Variants in OPCML observed in about 807,000 individuals in gnomAD.
OPCML encodes opioid-binding protein/cell adhesion molecule.
Under a neutral mutation model 37.8 loss-of-function variants are expected in OPCML, and 13 were observed. The ratio of observed to expected loss-of-function variants is 0.34; its 90% CI spans 0.22 to 0.55. The LOEUF (loss-of-function observed/expected upper bound fraction) is 0.55. Ranked by LOEUF, OPCML falls within the 20% of genes least tolerant of loss-of-function variation. The pLI is 0.91. For missense variants in OPCML, 341 were observed against 435.6 expected (o/e 0.78, Z 1.93); for synonymous variants, 176 against 168.8 (o/e 1.04, Z -0.33).
intron 1 of OPCML, among the ~76,000 whole-genome samples, chr11:133,194,931 G>A (rs960070844): frequency 3.3e-5 from 5 of 152,142 alleles, no homozygotes; most frequent in South Asian, 2.1e-4. Flanking sequence ...GGTGCAGCTC[G>A]GATGTCAACT....
At chr11:133,028,780 C>A (rs1947612306) in intron 1 of OPCML, among the ~76,000 whole-genome samples, 3 of 152,000 alleles carry the variant, frequency 2.0e-5, no homozygotes, top group Admixed American at 6.6e-5. Flanking sequence ...AGGAAATACT[C>A]TTCCAGACAT....
chr11:132,436,966 A>AC, intron 5 of OPCML, 187 bp from the exon 6 acceptor site: 1 of 959,938 alleles, frequency 1.0e-6, no homozygotes. Context: ...TACTGCATTG[A>AC]CCCCAACCTC....
At chr11:132,609,694 A>G (rs1381176086) in intron 3 of OPCML, among the ~76,000 whole-genome samples, 1 of 152,096 alleles carries the variant, frequency 6.6e-6, no homozygotes, top group Non-Finnish European at 1.5e-5. Flanking sequence ...GGCAAAGTTC[A>G]TTGTTCCTTC....
intron 1 of OPCML, among the ~76,000 whole-genome samples, chr11:133,127,429 T>C (rs1949533615): frequency 6.6e-6 from 1 of 151,936 alleles, no homozygotes; most frequent in African/African-American, 2.4e-5. Context: ...AGCCCAGTAG[T>C]TCAAGATCAG....
At chr11:133,207,014 G>A (rs951839467) in intron 1 of OPCML, among the ~76,000 whole-genome samples, 3 of 151,820 alleles carry the variant, frequency 2.0e-5, no homozygotes, top group Non-Finnish European at 2.9e-5. Flanking sequence ...AGAGCCGGGC[G>A]CGGTGGCTCA....
Position 133,458,574 on chromosome 11 carries a change from C to CGT in OPCML, c.61+73688_61+73689dup, listed in dbSNP as rs577466946. ...GTGTGTGTGTATACACATATATACA[C>CGT]GTGTGTGTACACATATATACACGTG... On this transcript the variant is annotated intron_variant, in intron 1 of 7. Transcript: ENST00000524381. Among the ~76,000 whole-genome samples the CGT allele has an allele frequency of 1.3e-3, 113 of 85,818 alleles. 18 individuals carry two copies. The highest frequency in any genetic ancestry group is 3.9e-3 in the African/African-American group (32 of 8,130). 56.3% of individuals were successfully genotyped at this position (85,818 alleles called of 152,430 possible). A position where few individuals can be genotyped will look rare whatever the true frequency, so the allele number is the denominator to read the frequency against.
chr11:133,395,597 C>T (rs1592262556), intron 1 of OPCML, among the ~76,000 whole-genome samples: 2 of 152,154 alleles, frequency 1.3e-5, no homozygotes, highest in Non-Finnish European at 1.5e-5. Flanking sequence ...CACTCTTCTG[C>T]ATATGGATAT....
intron 2 of OPCML, among the ~76,000 whole-genome samples, chr11:132,692,383 G>A (rs1247748201): frequency 6.6e-6 from 1 of 152,172 alleles, no homozygotes. Flanking sequence ...TATAGGATCA[G>A]GCATCTTTTG....
chr11:133,342,976 C>A (rs761560956), intron 1 of OPCML, among the ~76,000 whole-genome samples: 1 of 152,128 alleles, frequency 6.6e-6, no homozygotes, highest in African/African-American at 2.4e-5. Context: ...AATCATAGCT[C>A]GCTGCAACCT....
chr11:132,635,414 G>A (rs1005518118), intron 3 of OPCML, among the ~76,000 whole-genome samples: 6 of 151,744 alleles, frequency 4.0e-5, no homozygotes, highest in South Asian at 2.1e-4. Flanking sequence ...AGGAATGATC[G>A]ATGGCTTATA....
chr11:133,261,446 G>T (rs941116920), intron 1 of OPCML, among the ~76,000 whole-genome samples: 1 of 152,080 alleles, frequency 6.6e-6, no homozygotes, highest in Non-Finnish European at 1.5e-5. Context: ...TGCTCAGCTG[G>T]CATCAGACGA....
In OPCML at chr11:133,212,293, A is replaced by T. The variant is rs1368878222; in HGVS notation, c.62-269283T>A. 6.6e-6 allele frequency among the ~76,000 whole-genome samples: 1 copy of T among 152,154 alleles called. No individual in the cohort carries two copies. The highest frequency in any genetic ancestry group is 2.4e-5 in the African/African-American group (1 of 41,426). ...TCCGTGACAGCCTACACAGCTGGGC[A>T]TCATCTACCGCCCTGCTTCCCATTT... On this transcript the variant is annotated intron_variant, in intron 1 of 7. Coordinates refer to ENST00000524381, the MANE Select transcript of OPCML (RefSeq NM_001012393.5). This position sits in a 1 kb window ranked among gnomAD's most constrained non-coding sequence, Gnocchi z 4.9.
chr11:132,615,723 C>T (rs917014520), intron 3 of OPCML, among the ~76,000 whole-genome samples: 3 of 152,100 alleles, frequency 2.0e-5, no homozygotes, highest in Non-Finnish European at 4.4e-5. Context: ...TCCAGTGCTG[C>T]ATTGATACCG....
chr11:133,294,202 C>T (rs1040100382), intron 1 of OPCML, among the ~76,000 whole-genome samples: 2 of 151,926 alleles, frequency 1.3e-5, no homozygotes, highest in South Asian at 2.1e-4. Flanking sequence ...CAGCATGAAG[C>T]GGTGTTCTGC....
intron 1 of OPCML, among the ~76,000 whole-genome samples, chr11:133,249,868 G>T (rs1478580577): frequency 6.6e-6 from 1 of 152,166 alleles, no homozygotes; most frequent in African/African-American, 2.4e-5. Flanking sequence ...AGCACATCTT[G>T]TCAGAAGCAC....
chr11:132,901,192 T>C (rs560648112), intron 2 of OPCML, among the ~76,000 whole-genome samples: 157 of 151,858 alleles, frequency 1.0e-3, no homozygotes, highest in Middle Eastern at 3.4e-3. Context: ...AAAAAATAAA[T>C]AAATAAATAA....
chr11:133,376,129 G>A (rs1206201950), intron 1 of OPCML, among the ~76,000 whole-genome samples: 1 of 152,106 alleles, frequency 6.6e-6, no homozygotes, highest in Non-Finnish European at 1.5e-5. Context: ...GTACTGGAGG[G>A]CAGATAATGA....
At chr11:133,380,031 C>T (rs548380710) in intron 1 of OPCML, among the ~76,000 whole-genome samples, 5 of 152,118 alleles carry the variant, frequency 3.3e-5, no homozygotes, top group African/African-American at 1.2e-4. Flanking sequence ...ACAAATCATG[C>T]CCCAGGTACC....
intron 2 of OPCML, among the ~76,000 whole-genome samples, chr11:132,669,882 A>T (rs1291996942): frequency 6.6e-6 from 1 of 152,106 alleles, no homozygotes; most frequent in Non-Finnish European, 1.5e-5. Context: ...TAGCTCTCAC[A>T]CCTGCCTGCT....
Sources: gnomAD v4.1 joint callset for allele counts (sites outside exome capture counted in the v4.1 genomes callset) on GRCh38, gnomAD v4.1.1 for gene constraint, Gnocchi (gnomAD v3.1) non-coding constraint, MANE v1.5 for transcripts, NCBI Gene and HGNC (gene_info 2026-07-23, HGNC 2026-07-21) for gene names.